Variants in ERCC6L2 observed in about 807,000 individuals in gnomAD.
ERCC6L2 encodes the protein DNA excision repair protein ERCC-6-like 2.
Under a neutral mutation model 132.0 loss-of-function variants are expected in ERCC6L2, and 77 were observed. That is an observed-to-expected ratio of 0.58 (90% CI 0.49 to 0.71). The LOEUF is 0.71. ERCC6L2 is among the 30% of genes least tolerant of loss of function. The probability of loss-of-function intolerance (pLI) is 0.00; values close to 1 mark genes in which losing one functional copy is unlikely to be tolerated. For synonymous variants in ERCC6L2, 583 were observed against 632.4 expected (o/e 0.92, Z 1.17); for missense variants, 1,542 against 1,837.6 (o/e 0.84, Z 2.94).
intron 19 of ERCC6L2, among the ~76,000 whole-genome samples, chr9:96,024,191 CACAA>C (rs1169826464): frequency 6.6e-6 from 1 of 152,218 alleles, no homozygotes; most frequent in Non-Finnish European, 1.5e-5. Flanking sequence ...CTAATTTCTT[CACAA>C]ACAGAGGCAG....
intron 6 of ERCC6L2, 114 bp from the exon 7 acceptor site, chr9:95,921,061 C>T: frequency 9.9e-7 from 1 of 1,006,076 alleles, no homozygotes; most frequent in Non-Finnish European, 1.4e-6. Context: ...AGGCGTGAGC[C>T]TCTGCGCCCG....
intron 19 of ERCC6L2, among the ~76,000 whole-genome samples, chr9:96,029,116 A>G (rs553600515): frequency 5.3e-5 from 8 of 151,998 alleles, no homozygotes; most frequent in Admixed American, 1.3e-4. Flanking sequence ...CATCCTGGCT[A>G]ACATGGTGAA....
chr9:95,940,839 T>G (rs1261384910), intron 11 of ERCC6L2, among the ~76,000 whole-genome samples: 1 of 152,168 alleles, frequency 6.6e-6, no homozygotes, highest in Non-Finnish European at 1.5e-5. Context: ...AGGAGTTCCA[T>G]CAGTTGCTGA....
At chr9:96,031,593 AAAGCC>A (rs1301779823) in intron 19 of ERCC6L2, among the ~76,000 whole-genome samples, 1 of 152,256 alleles carries the variant, frequency 6.6e-6, no homozygotes, top group Non-Finnish European at 1.5e-5. Context: ...CAAATGCTAT[AAAGCC>A]AAGGCGCCCA....
At chr9:96,023,705 G>A (rs1309351759) in intron 19 of ERCC6L2, among the ~76,000 whole-genome samples, 1 of 152,176 alleles carries the variant, frequency 6.6e-6, no homozygotes, top group Non-Finnish European at 1.5e-5. Context: ...CAATCACATG[G>A]GGCTGGGGCA....
At chr9:95,907,964 C>CTT (rs1181636651) in intron 4 of ERCC6L2, among the ~76,000 whole-genome samples, 1 of 151,868 alleles carries the variant, frequency 6.6e-6, no homozygotes, top group Non-Finnish European at 1.5e-5. Flanking sequence ...TTGGAAGGTA[C>CTT]TTTGAGGATT....
rs893259625 is a variant in ERCC6L2 at position 95,898,099 on chromosome 9, A to G, written c.594+128A>G. On this transcript the variant is annotated intron_variant, in intron 3 of 18. Transcript: ENST00000653738. ...TAAAACCTAAGAATTTAAAGATGTT[A>G]TTAAAATATTTGTTTTATAGGCCTA... 6.9e-6 allele frequency: 6 copies of G among 863,456 alleles called. No homozygotes were observed. In the Admixed American group the frequency reaches 1.4e-4, roughly 20 times the overall value. The allele number at this position is 863,456 out of a possible 1,614,324, so 53.5% of individuals were successfully genotyped here.
rs901292437 is a variant in ERCC6L2 at position 96,017,914 on chromosome 9, A to C, written c.*4711A>C. Among the ~76,000 whole-genome samples the C allele has an allele frequency of 2.6e-5, 4 of 152,244 alleles. No individual in the cohort carries two copies. The highest frequency in any genetic ancestry group is 4.4e-5 in the Non-Finnish European group (3 of 68,036). The stretch of plus-strand genomic sequence containing the variant: ...CACACAGGAATATTATTCAGCCTTG[A>C]AAGGAAATTCGGACACGTGCTACAA... On this transcript the variant is annotated 3_prime_UTR_variant, in exon 19 of 19. Transcript: ENST00000653738.
chr9:95,958,248 C>A (rs1176789737), intron 13 of ERCC6L2, among the ~76,000 whole-genome samples: 1 of 151,884 alleles, frequency 6.6e-6, no homozygotes, highest in Non-Finnish European at 1.5e-5. Context: ...GTATATGTGC[C>A]ACATTTTCTT....
intron 17 of ERCC6L2, among the ~76,000 whole-genome samples, chr9:95,982,719 A>G (rs778742507): frequency 6.6e-6 from 1 of 152,046 alleles, no homozygotes; most frequent in Non-Finnish European, 1.5e-5. Context: ...GTGTATATAT[A>G]TATATGAAAT....
intron 19 of ERCC6L2, among the ~76,000 whole-genome samples, chr9:96,036,247 A>G (rs1834517721): frequency 6.6e-6 from 1 of 151,970 alleles, no homozygotes; most frequent in South Asian, 2.1e-4. Flanking sequence ...TTCTGTCCCT[A>G]TGAATCTGAC....
At chr9:95,878,717 T>C (rs1827427661) in intron 1 of ERCC6L2, among the ~76,000 whole-genome samples, 1 of 148,256 alleles carries the variant, frequency 6.7e-6, no homozygotes, top group Admixed American at 6.8e-5. Flanking sequence ...CCATGTGTTC[T>C]CATTGTTCAA....
chr9:95,920,977 A>C (rs150111606), intron 6 of ERCC6L2, among the ~76,000 whole-genome samples, 198 bp from the exon 7 acceptor site: 1 of 152,194 alleles, frequency 6.6e-6, no homozygotes, highest in African/African-American at 2.4e-5. Context: ...AGGTTTCACC[A>C]TGTTGGCCAG....
chr9:95,972,180 A>T lies in ERCC6L2; in HGVS notation c.2429A>T (p.Asp810Val). The T allele has an allele frequency of 1.5e-6, 2 of 1,304,246 alleles. No individual in the cohort carries two copies. The highest frequency in any genetic ancestry group is 1.2e-5 in the South Asian group (1 of 81,024). 80.8% of individuals were successfully genotyped at this position (1,304,246 alleles called of 1,614,324 possible). A position where few individuals can be genotyped will look rare whatever the true frequency, so the allele number is the denominator to read the frequency against. The change falls in exon 16 of 19, where the codon GAT (aspartate) becomes GTT (valine). Residue 810 changes from aspartate to valine, a missense_variant. Physicochemically the swap from Asp to Val is radical, Grantham distance 152 (BLOSUM62 -3). This residue lies in a region of ERCC6L2 where 945 missense variants were observed against 1,105.2 expected (regional missense o/e 0.86). Coordinates refer to ENST00000653738, the MANE Select transcript of ERCC6L2 (RefSeq NM_020207.7). ...ETKCKAVEDSDGNTASDDESS... is the reference protein window; with the variant it reads ...ETKCKAVEDSVGNTASDDESS... The stretch of plus-strand genomic sequence containing the variant: ...AAATGTAAAGCAGTTGAGGATAGTG[A>T]TGGAAATACTGCCTCTGATGATGAA...
At chr9:95,984,227 ATTATATATG>A (rs1463474590) in intron 17 of ERCC6L2, among the ~76,000 whole-genome samples, 5 of 149,230 alleles carry the variant, frequency 3.4e-5, no homozygotes, top group Non-Finnish European at 7.4e-5. Context: ...TAAAGTATAT[ATTATATATG>A]TTATATATGT....
At chr9:95,984,953 CAGTG>C (rs145977119) in intron 17 of ERCC6L2, among the ~76,000 whole-genome samples, 4,313 of 152,248 alleles carry the variant, frequency 0.028, 104 homozygotes, top group African/African-American at 0.068. Flanking sequence ...CTCTTTCTCT[CAGTG>C]AGAAGTGTTT....
chr9:95,880,839 T>G (rs1466596070), intron 1 of ERCC6L2, 30 bp from the exon 2 acceptor site: 1 of 1,561,054 alleles, frequency 6.4e-7, no homozygotes, highest in Admixed American at 2.0e-5. Context: ...TAAGCTAGCT[T>G]TGGAAACTTT....
intron 11 of ERCC6L2, among the ~76,000 whole-genome samples, chr9:95,930,226 T>G (rs1009022672): frequency 2.0e-5 from 3 of 151,842 alleles, no homozygotes; most frequent in African/African-American, 7.3e-5. Flanking sequence ...GTTGTAGGAG[T>G]TTTCTGCTTG....
In ERCC6L2 at chr9:96,012,568, C is replaced by A. The variant is rs370942727; in HGVS notation, c.4018C>A (p.Gln1340Lys). 1.4e-5 allele frequency: 19 copies of A among 1,367,280 alleles called. No individual in the cohort carries two copies. The African/African-American group carries it at 2.2e-4, about 16-fold the overall frequency. The allele number at this position is 1,367,280 out of a possible 1,614,324, so 84.7% of individuals were successfully genotyped here. A position where few individuals can be genotyped will look rare whatever the true frequency, so the allele number is the denominator to read the frequency against. Residue 1340 changes from glutamine (Q) to lysine (K), a missense_variant, in exon 19 of 19, where the codon CAG (glutamine) becomes AAG (lysine). Gln to Lys is a moderately conservative substitution (Grantham distance 53). Around this residue, in one of 4 missense-constraint regions of ERCC6L2, gnomAD observed 442 missense variants for 583.4 expected, o/e 0.76. Transcript: ENST00000653738. ...ATATAAAAGAAAATCAGTTAAGTTT[C>A]AGAATCATATTTCCTATAGAGAAGA... ...KTYKRKSVKF[Q>K]NHISYREEVF... is the part of the protein sequence containing the mutation.
Sources: allele counts gnomAD v4.1 joint callset (sites outside exome capture counted in the v4.1 genomes callset), GRCh38; gene constraint gnomAD v4.1.1; regional missense constraint gnomAD v4.1.1; transcripts MANE v1.5; gene names NCBI Gene and HGNC (gene_info 2026-07-23, HGNC 2026-07-21).